PPP2R2C: variants seen among roughly 807,000 people sequenced by gnomAD.
PPP2R2C encodes the protein protein phosphatase 2, regulatory subunit B, gamma.
Under a neutral mutation model 45.3 loss-of-function variants are expected in PPP2R2C, and 10 were observed. The observed-to-expected ratio is 0.22, with a 90% CI of 0.14 to 0.37. The LOEUF is 0.37. PPP2R2C is among the 10% of genes least tolerant of loss of function. The pLI is 1.00. For synonymous variants in PPP2R2C, 257 were observed against 245.4 expected (o/e 1.05, Z -0.44); for missense variants, 308 against 619.7 (o/e 0.50, Z 5.34).
intron 2 of PPP2R2C, chr4:6,535,237 C>G (rs765355127): frequency 3.9e-6 from 6 of 1,534,156 alleles, no homozygotes; most frequent in Non-Finnish European, 4.4e-6. Context: ...AGCTCACCGG[C>G]GCTGCTGCCC....
intron 1 of PPP2R2C, among the ~76,000 whole-genome samples, chr4:6,443,834 G>A (rs377165430): frequency 3.5e-5 from 5 of 144,782 alleles, no homozygotes; most frequent in African/African-American, 1.0e-4. Context: ...GATGGCTCCC[G>A]GTGCATCTTT....
intron 5 of PPP2R2C, among the ~76,000 whole-genome samples, chr4:6,369,416 T>A (rs566880112): frequency 3.3e-5 from 5 of 152,366 alleles, no homozygotes; most frequent in Admixed American, 2.6e-4. Flanking sequence ...CTTTAACTTA[T>A]CATGGTGAAA....
In PPP2R2C at chr4:6,530,958, G is replaced by A. The variant is rs114488402; in HGVS notation, c.49+4313C>T. On this transcript the variant is annotated intron_variant, in intron 2 of 9. Transcript: ENST00000506140. ...AGGGACACATTCCTGCTTGTTAAGT[G>A]CAGCTGCGGCATCACTGTGCTCTGG... Among the ~76,000 whole-genome samples, 1,055 of 152,320 alleles carry A rather than the reference G, an allele frequency of 6.9e-3. 8 individuals are homozygous for A. Among genetic ancestry groups the A allele is most frequent in the African/African-American group, 0.024 (980 of 41,570 alleles).
intron 2 of PPP2R2C, among the ~76,000 whole-genome samples, chr4:6,522,529 T>C (rs1490110290): frequency 2.0e-5 from 3 of 152,224 alleles, no homozygotes; most frequent in South Asian, 2.1e-4. Context: ...TCCAGCCCCA[T>C]GTTCCCCACA....
rs1443997825 is a variant in PPP2R2C at position 6,471,286 on chromosome 4, T to G, written c.70+874A>C. The stretch of plus-strand genomic sequence containing the variant: ...GCGGCCCCGAGCCCAGACCTCCCGG[T>G]CCCCATCCTCCATCGGGGTCACTCC... On this transcript the variant is annotated intron_variant, in intron 1 of 8. Coordinates refer to ENST00000382599, the MANE Select transcript of PPP2R2C (RefSeq NM_020416.4). The surrounding 1 kb of genome is among the most constrained non-coding windows in gnomAD (Gnocchi z 5.6). Among the ~76,000 whole-genome samples the G allele has an allele frequency of 1.3e-5, 2 of 152,084 alleles. No individual in the cohort carries two copies. The highest frequency in any genetic ancestry group is 2.9e-5 in the Non-Finnish European group (2 of 68,014).
intron 1 of PPP2R2C, chr4:6,381,878 AGG>A (rs1217623762): frequency 6.2e-7 from 1 of 1,610,072 alleles, no homozygotes; most frequent in Admixed American, 1.7e-5. Context: ...TGTGGGAACT[AGG>A]GGAACACCCC....
At chr4:6,377,184 C>T (rs1320793560) in intron 3 of PPP2R2C, among the ~76,000 whole-genome samples, 1 of 152,204 alleles carries the variant, frequency 6.6e-6, no homozygotes. Flanking sequence ...CGTGGACGTC[C>T]TCGGGGAAGG....
intron 5 of PPP2R2C, 141 bp from the exon 6 acceptor site, chr4:6,348,151 A>G: frequency 2.1e-6 from 2 of 951,834 alleles, no homozygotes; most frequent in Non-Finnish European, 3.1e-6. Flanking sequence ...GACCCTCAAA[A>G]TGCGTCCCCC....
intron 6 of PPP2R2C, among the ~76,000 whole-genome samples, chr4:6,334,747 G>A (rs1732709662): frequency 6.6e-6 from 1 of 152,162 alleles, no homozygotes; most frequent in South Asian, 2.1e-4. Context: ...ATGACAACCT[G>A]TCCAGCTGTC....
intron 8 of PPP2R2C, 118 bp from the exon 9 acceptor site, chr4:6,323,711 G>A: frequency 9.2e-7 from 1 of 1,091,370 alleles, no homozygotes; most frequent in Non-Finnish European, 1.2e-6. Flanking sequence ...CCCGGTGGGA[G>A]GATTGCTTCA....
At chr4:6,446,696 G>C (rs1720436180) in intron 1 of PPP2R2C, among the ~76,000 whole-genome samples, 1 of 152,006 alleles carries the variant, frequency 6.6e-6, no homozygotes, top group Admixed American at 6.6e-5. Context: ...CAGCTGACTG[G>C]AAATACTGGT....
chr4:6,530,382 A>G (rs1724355647), intron 2 of PPP2R2C, among the ~76,000 whole-genome samples: 1 of 151,566 alleles, frequency 6.6e-6, no homozygotes, highest in South Asian at 2.1e-4. Flanking sequence ...ACTGACTTTA[A>G]CCCCCCATGA....
At chr4:6,524,733 C>G (rs1361965054) in intron 2 of PPP2R2C, among the ~76,000 whole-genome samples, 6 of 152,306 alleles carry the variant, frequency 3.9e-5, no homozygotes, top group African/African-American at 1.4e-4. Flanking sequence ...AGTTAGGTTG[C>G]AGTTCATTAA....
At position 6,520,986 on chromosome 4, in the gene PPP2R2C, C is replaced by G. The variant is rs149822168; in HGVS notation, c.49+14285G>C. Among the ~76,000 whole-genome samples the G allele has an allele frequency of 4.6e-5, 7 of 152,344 alleles. No homozygotes were observed. The East Asian group carries it at 1.3e-3, about 29-fold the overall frequency. ...ACCATGACCTCTGGGGCTTACATAC[C>G]TCCTTATCCTGATAGGACAGAATGC... On this transcript the variant is annotated intron_variant, in intron 2 of 9. Coordinates refer to the PPP2R2C transcript ENST00000506140.
chr4:6,401,779 G>A (rs1441087450), intron 1 of PPP2R2C, among the ~76,000 whole-genome samples: 1 of 152,190 alleles, frequency 6.6e-6, no homozygotes, highest in Non-Finnish European at 1.5e-5. Context: ...AGTGACACTG[G>A]AGAACAGCGC....
At chr4:6,380,543 A>C (rs1488934478) in intron 2 of PPP2R2C, among the ~76,000 whole-genome samples, 3 of 152,164 alleles carry the variant, frequency 2.0e-5, no homozygotes, top group Non-Finnish European at 4.4e-5. Flanking sequence ...AGGACAACGC[A>C]GGTCACCCAG....
chr4:6,558,475 C>T lies in PPP2R2C; in HGVS notation c.-59+5085G>A, dbSNP rs190707468. 1.1e-3 allele frequency among the ~76,000 whole-genome samples: 172 copies of T among 152,202 alleles called. 1 individual carries two copies. Among genetic ancestry groups the T allele is most frequent in the Non-Finnish European group, 1.9e-3 (128 of 68,030 alleles). On this transcript the variant is annotated intron_variant, in intron 1 of 9. Transcript: ENST00000506140. ...GTGTGTGAGCCTTTACCTGCCACCT[C>T]TGGCTGCCTCCTAACAAGGAGAAGG... is the stretch of plus-strand genomic sequence containing the variant.
At chr4:6,346,636 A>G (rs1399838103) in intron 6 of PPP2R2C, among the ~76,000 whole-genome samples, 1 of 152,204 alleles carries the variant, frequency 6.6e-6, no homozygotes, top group Non-Finnish European at 1.5e-5. Flanking sequence ...GAGCGTGGAC[A>G]AACCCAGAGG....
At chr4:6,479,860 C>T (rs767108056) in intron 2 of PPP2R2C, among the ~76,000 whole-genome samples, 2 of 151,576 alleles carry the variant, frequency 1.3e-5, no homozygotes, top group African/African-American at 4.9e-5. Context: ...ATATTCGCTT[C>T]AGCTTTCTTT....
Sources: allele counts gnomAD v4.1 joint callset (sites outside exome capture counted in the v4.1 genomes callset), GRCh38; gene constraint gnomAD v4.1.1; non-coding constraint Gnocchi (gnomAD v3.1); transcripts MANE v1.5; gene names NCBI Gene and HGNC (gene_info 2026-07-23, HGNC 2026-07-21).